CCDC85A: variants seen among roughly 807,000 people sequenced by gnomAD.
CCDC85A encodes coiled-coil domain containing 85A.
Under a neutral mutation model 50.2 loss-of-function variants are expected in CCDC85A, and 38 were observed. The observed-to-expected ratio is 0.76, with a 90% CI of 0.58 to 0.99. CCDC85A has a LOEUF of 0.99. Ranked by LOEUF, CCDC85A falls within the 50% of genes least tolerant of loss-of-function variation. The probability of loss-of-function intolerance (pLI) is 0.00; values close to 1 mark genes in which losing one functional copy is unlikely to be tolerated. For synonymous variants in CCDC85A, 366 were observed against 301.4 expected (o/e 1.21, Z -2.22); for missense variants, 820 against 742.0 (o/e 1.11, Z -1.22).
At chr2:56,350,353 T>C (rs1207213104) in intron 3 of CCDC85A, among the ~76,000 whole-genome samples, 1 of 151,972 alleles carries the variant, frequency 6.6e-6, no homozygotes, top group South Asian at 2.1e-4. Flanking sequence ...GGCGGATCAC[T>C]TGAGGTTAGG....
At chr2:56,344,557 T>TA (rs1674537956) in intron 3 of CCDC85A, among the ~76,000 whole-genome samples, 1 of 152,214 alleles carries the variant, frequency 6.6e-6, no homozygotes, top group South Asian at 2.1e-4. Flanking sequence ...TCTCAAACTG[T>TA]ACATGTGTTA....
intron 3 of CCDC85A, among the ~76,000 whole-genome samples, chr2:56,362,832 C>T (rs2104372442): frequency 6.6e-6 from 1 of 152,094 alleles, no homozygotes; most frequent in Admixed American, 6.5e-5. Flanking sequence ...CCATGTTGGC[C>T]AGGCTGGTCT....
In CCDC85A at chr2:56,199,280, A is replaced by G. The variant is rs962313400; in HGVS notation, c.1240+5840A>G. Reference sequence around the variant, plus strand: ...ATACAAATACAGAATGTGTAGGGCTATACAGTTAAGTTGTAGTAATGATAG... The same window carrying G: ...ATACAAATACAGAATGTGTAGGGCTGTACAGTTAAGTTGTAGTAATGATAG... On this transcript the variant is annotated intron_variant, in intron 2 of 5. Transcript: ENST00000407595. Among the ~76,000 whole-genome samples, 3 of 152,214 alleles carry G rather than the reference A, an allele frequency of 2.0e-5. No homozygotes were observed. The East Asian group carries it at 5.8e-4, about 29-fold the overall frequency.
chr2:56,377,250 A>G (rs550403920), intron 5 of CCDC85A, among the ~76,000 whole-genome samples: 1 of 152,236 alleles, frequency 6.6e-6, no homozygotes, highest in South Asian at 2.1e-4. Context: ...CTTTGCCTCT[A>G]GTGGGTGTTG....
chr2:56,350,951 A>T (rs1573317787), intron 3 of CCDC85A, among the ~76,000 whole-genome samples: 1 of 146,418 alleles, frequency 6.8e-6, no homozygotes, highest in African/African-American at 2.5e-5. Flanking sequence ...TGCTGCACCC[A>T]TTAACTCGTC....
chr2:56,331,635 G>T (rs1408087232), intron 2 of CCDC85A, among the ~76,000 whole-genome samples: 2 of 151,878 alleles, frequency 1.3e-5, no homozygotes, highest in African/African-American at 2.4e-5. Context: ...TTTTTTTCTG[G>T]TTTCTAAATT....
intron 2 of CCDC85A, among the ~76,000 whole-genome samples, chr2:56,225,634 A>C (rs536224904): frequency 5.9e-5 from 9 of 152,136 alleles, no homozygotes; most frequent in Non-Finnish European, 1.2e-4. Context: ...TTGAATTTCC[A>C]TATGTCTTTT....
At chr2:56,214,206 A>G (rs942590276) in intron 2 of CCDC85A, among the ~76,000 whole-genome samples, 1 of 152,006 alleles carries the variant, frequency 6.6e-6, no homozygotes, top group Non-Finnish European at 1.5e-5. Flanking sequence ...GACATTGGAC[A>G]AGTTATATAA....
chr2:56,215,778 A>C (rs1232486945), intron 2 of CCDC85A, among the ~76,000 whole-genome samples: 1 of 151,864 alleles, frequency 6.6e-6, no homozygotes, highest in African/African-American at 2.4e-5. Flanking sequence ...ATTGCTTTAT[A>C]GCTTGGGTCG....
At chr2:56,279,693 G>A (rs1188582165) in intron 2 of CCDC85A, among the ~76,000 whole-genome samples, 2 of 151,972 alleles carry the variant, frequency 1.3e-5, no homozygotes, top group African/African-American at 4.8e-5. Context: ...TCTGTGCCTG[G>A]GTTATTTCAC....
At chr2:56,229,511 A>T (rs1002918985) in intron 2 of CCDC85A, among the ~76,000 whole-genome samples, 1 of 152,184 alleles carries the variant, frequency 6.6e-6, no homozygotes, top group Non-Finnish European at 1.5e-5. Context: ...AGACTTTGGT[A>T]CTGGTAGCAA....
At chr2:56,328,949 A>G (rs1199942532) in intron 2 of CCDC85A, among the ~76,000 whole-genome samples, 1 of 152,092 alleles carries the variant, frequency 6.6e-6, no homozygotes, top group African/African-American at 2.4e-5. Flanking sequence ...TAAAATACAA[A>G]TCAGATTATG....
intron 2 of CCDC85A, among the ~76,000 whole-genome samples, chr2:56,316,310 G>A (rs1200602986): frequency 6.6e-6 from 1 of 151,924 alleles, no homozygotes; most frequent in East Asian, 1.9e-4. Flanking sequence ...GCATATTAGT[G>A]GAAAACTGAT....
chr2:56,266,354 T>C (rs940314844), intron 2 of CCDC85A, among the ~76,000 whole-genome samples: 2 of 152,140 alleles, frequency 1.3e-5, no homozygotes, highest in African/African-American at 2.4e-5. Flanking sequence ...AGGATTGCTT[T>C]AGCCCAGGGG....
In CCDC85A at chr2:56,344,526, G is replaced by A. The variant is rs146821597; in HGVS notation, c.1317+1571G>A. Among the ~76,000 whole-genome samples the A allele has an allele frequency of 2.4e-4, 37 of 152,264 alleles. No individual in the cohort carries two copies. In the East Asian group the frequency reaches 5.6e-3, roughly 23 times the overall value. On this transcript the variant is annotated intron_variant, in intron 3 of 5. Transcript: ENST00000407595. ...GTAACAGAAACTGAGGCTAAGGGTG[G>A]AATTCTGTACTTCTATCTCTTCTCA...
intron 2 of CCDC85A, among the ~76,000 whole-genome samples, chr2:56,303,631 A>C (rs1319307428): frequency 6.6e-6 from 1 of 152,182 alleles, no homozygotes; most frequent in East Asian, 1.9e-4. Context: ...GGTCCTTATG[A>C]GAACTAAATA....
At chr2:56,236,824 C>T (rs1431425757) in intron 2 of CCDC85A, among the ~76,000 whole-genome samples, 3 of 152,024 alleles carry the variant, frequency 2.0e-5, no homozygotes, top group Non-Finnish European at 4.4e-5. Context: ...TCTTATGTCC[C>T]CATTATCCTT....
At chr2:56,295,337 A>T (rs964046561) in intron 2 of CCDC85A, among the ~76,000 whole-genome samples, 6 of 152,226 alleles carry the variant, frequency 3.9e-5, no homozygotes, top group South Asian at 2.1e-4. Flanking sequence ...TTGTAGTGGG[A>T]CTTAAATCAA....
intron 2 of CCDC85A, among the ~76,000 whole-genome samples, chr2:56,319,602 C>G (rs1435350907): frequency 6.6e-6 from 1 of 152,068 alleles, no homozygotes; most frequent in Admixed American, 6.6e-5. Flanking sequence ...ATGAATATAG[C>G]TGACACCACA....
Sources: allele counts gnomAD v4.1 joint callset (sites outside exome capture counted in the v4.1 genomes callset), GRCh38; gene constraint gnomAD v4.1.1; transcripts MANE v1.5; gene names NCBI Gene and HGNC (gene_info 2026-07-23, HGNC 2026-07-21).